ATXN2: variants seen among roughly 807,000 people sequenced by gnomAD.
ATXN2 encodes the protein ataxin 2.
Under a neutral mutation model 138.6 loss-of-function variants are expected in ATXN2, and 37 were observed. That is an observed-to-expected ratio of 0.27 (90% CI 0.21 to 0.35). The LOEUF (loss-of-function observed/expected upper bound fraction) is 0.35, where lower values mean the gene tolerates loss of function less well. Among genes scored for constraint, ATXN2 ranks in the 10% least tolerant of loss-of-function variants. The pLI, the probability that ATXN2 is intolerant of heterozygous loss-of-function variation, is 1.00. For synonymous variants in ATXN2, 549 were observed against 543.7 expected, an observed-to-expected ratio of 1.01 and a Z score of -0.13; for missense variants, 1,216 against 1,480.3, an observed-to-expected ratio of 0.82 and a Z score of 2.93.
chr12:111,560,052 A>T (rs1882597963), intron 1 of ATXN2, among the ~76,000 whole-genome samples: 1 of 151,960 alleles, frequency 6.6e-6, no homozygotes. Flanking sequence ...TGTGGATTGG[A>T]ACAAATTTCA....
chr12:111,522,717 A>G (rs1047760271), intron 6 of ATXN2, among the ~76,000 whole-genome samples: 1 of 151,910 alleles, frequency 6.6e-6, no homozygotes, highest in Non-Finnish European at 1.5e-5. Context: ...GTTCGGGACC[A>G]GCCTGGCCAA....
intron 14 of ATXN2, among the ~76,000 whole-genome samples, chr12:111,492,389 C>G (rs1025655405): frequency 1.3e-5 from 2 of 152,120 alleles, no homozygotes; most frequent in Admixed American, 1.3e-4. Flanking sequence ...AAAACCTTCT[C>G]AAGAAGAATG....
chr12:111,526,993 C>T (rs1880540270), intron 5 of ATXN2, among the ~76,000 whole-genome samples: 1 of 152,208 alleles, frequency 6.6e-6, no homozygotes, highest in Admixed American at 6.5e-5. Flanking sequence ...CCTATTAACA[C>T]ACTCTCACTT....
chr12:111,544,115 A>G (rs1881682031), intron 5 of ATXN2, among the ~76,000 whole-genome samples: 1 of 152,164 alleles, frequency 6.6e-6, no homozygotes, highest in African/African-American at 2.4e-5. Context: ...TAAAAGAATT[A>G]CATGTAAAAT....
chr12:111,599,299 G>A lies in ATXN2; in HGVS notation c.-265C>T. ...CGTTGCTACCAAAACAGTCTGAGGC[G>A]GAGGGAGGCGAGCTCTGCCGGGAGG... is the stretch of plus-strand genomic sequence containing the variant. On this transcript the variant is annotated 5_prime_UTR_variant, in exon 1 of 25. Transcript: ENST00000673436. 3 of 1,184,670 alleles carry A rather than the reference G, an allele frequency of 2.5e-6. No individual in the cohort carries two copies. Among genetic ancestry groups the A allele is most frequent in the South Asian group, 4.1e-5 (1 of 24,266 alleles). The allele number at this position is 1,184,670 out of a possible 1,614,324, so 73.4% of individuals were successfully genotyped here.
At position 111,456,239 on chromosome 12, in the gene ATXN2, G is replaced by A. The variant is rs1424424594; in HGVS notation, c.3060C>T (p.Ala1020=). The change falls in exon 23 of 25, where the codon GCC becomes GCT. Residue 1020 remains alanine (A), a synonymous_variant. Transcript: ENST00000673436. ...GACTGGCCAGATGGAGAGCCTGGGC[G>A]GCCTGGTGCTGATGGTGCTGCAAAG... ...PSPVQHHQHQ[A]AQALHLASPQ... The A allele has an allele frequency of 5.0e-6, 8 of 1,614,120 alleles. No individual in the cohort carries two copies. The highest frequency in any genetic ancestry group is 1.3e-5 in the African/African-American group (1 of 74,938).
chr12:111,462,912 G>A lies in ATXN2; in HGVS notation c.2896+1750C>T, dbSNP rs548473807. 6.6e-5 allele frequency among the ~76,000 whole-genome samples: 10 copies of A among 150,778 alleles called. No homozygotes were observed. The South Asian group carries it at 2.1e-3, about 31-fold the overall frequency. On this transcript the variant is annotated intron_variant, in intron 21 of 24. Coordinates refer to ENST00000673436, the MANE Select transcript of ATXN2 (RefSeq NM_001372574.1). Reference sequence around the variant, plus strand: ...TCCTTTTTAAAGAGCATCTATTAAAGGATTAAATTTAACATTTCCTAGCAC... The same window carrying A: ...TCCTTTTTAAAGAGCATCTATTAAAAGATTAAATTTAACATTTCCTAGCAC...
chr12:111,527,548 G>A (rs1229970157), intron 5 of ATXN2, among the ~76,000 whole-genome samples: 2 of 152,220 alleles, frequency 1.3e-5, no homozygotes, highest in African/African-American at 2.4e-5. Flanking sequence ...GGGTAGGTAT[G>A]AGTGTGTGTA....
At chr12:111,566,247 ACAT>A (rs1475830419) in intron 1 of ATXN2, among the ~76,000 whole-genome samples, 1 of 151,990 alleles carries the variant, frequency 6.6e-6, no homozygotes, top group Non-Finnish European at 1.5e-5. Context: ...AGCCTGACCA[ACAT>A]GGAGAAACCC....
intron 5 of ATXN2, among the ~76,000 whole-genome samples, chr12:111,543,546 G>A (rs1332744465): frequency 6.6e-6 from 1 of 152,044 alleles, no homozygotes; most frequent in Admixed American, 6.6e-5. Context: ...TGATTCTCCT[G>A]TCTCAGCCTC....
intron 14 of ATXN2, among the ~76,000 whole-genome samples, chr12:111,494,240 G>A (rs1461137223): frequency 6.6e-6 from 1 of 151,772 alleles, no homozygotes; most frequent in East Asian, 1.9e-4. Flanking sequence ...TATAACTACA[G>A]TTTTTTAAGA....
intron 1 of ATXN2, among the ~76,000 whole-genome samples, chr12:111,588,537 G>A (rs1355090064): frequency 2.6e-5 from 4 of 151,292 alleles, no homozygotes; most frequent in African/African-American, 4.9e-5. Context: ...CAGAAAAATC[G>A]CTTTAACCTG....
At chr12:111,459,425 G>A (rs879800677) in intron 21 of ATXN2, among the ~76,000 whole-genome samples, 3 of 152,092 alleles carry the variant, frequency 2.0e-5, no homozygotes, top group African/African-American at 4.8e-5. Flanking sequence ...AAAATCTTAC[G>A]TTCATTTTAA....
At chr12:111,535,995 G>A (rs9804704) in intron 5 of ATXN2, among the ~76,000 whole-genome samples, 12,626 of 140,070 alleles carry the variant, frequency 0.09, 2,024 homozygotes, top group African/African-American at 0.33. Context: ...GCGAGACTCC[G>A]TCTCAAAAAA....
chr12:111,548,008 C>T (rs1035722877), intron 5 of ATXN2, among the ~76,000 whole-genome samples: 3 of 151,882 alleles, frequency 2.0e-5, no homozygotes, highest in African/African-American at 7.3e-5. Flanking sequence ...GCCTGGCCAA[C>T]ATGGTAAAAC....
intron 14 of ATXN2, among the ~76,000 whole-genome samples, chr12:111,493,856 T>C (rs1335021186): frequency 6.6e-6 from 1 of 152,174 alleles, no homozygotes. Context: ...CTCGAACTCC[T>C]AACCTTGTGA....
chr12:111,462,982 A>G lies in ATXN2; in HGVS notation c.2896+1680T>C, dbSNP rs1027031778. Among the ~76,000 whole-genome samples the G allele has an allele frequency of 2.1e-5, 3 of 145,992 alleles. 1 individual carries two copies. The highest frequency in any genetic ancestry group is 1.5e-5 in the Non-Finnish European group (1 of 67,586). On this transcript the variant is annotated intron_variant, in intron 21 of 24. Transcript: ENST00000673436. Reference sequence around the variant, plus strand: ...CACATACATATATATATATATACACACACACACACACACACACACATATAT... The same window carrying G: ...CACATACATATATATATATATACACGCACACACACACACACACACATATAT...
intron 14 of ATXN2, among the ~76,000 whole-genome samples, chr12:111,504,148 A>G (rs1878960858): frequency 6.6e-6 from 1 of 152,236 alleles, no homozygotes; most frequent in Non-Finnish European, 1.5e-5. Context: ...TTTAAAATAC[A>G]GTAACTCTAA....
At chr12:111,473,337 A>G (rs1876553680) in intron 18 of ATXN2, among the ~76,000 whole-genome samples, 1 of 152,146 alleles carries the variant, frequency 6.6e-6, no homozygotes, top group Admixed American at 6.5e-5. Flanking sequence ...CCAACGACAA[A>G]AAAACCACCT....
Sources: gnomAD v4.1 joint callset for allele counts (sites outside exome capture counted in the v4.1 genomes callset) on GRCh38, gnomAD v4.1.1 for gene constraint, MANE v1.5 for transcripts, NCBI Gene and HGNC (gene_info 2026-07-23, HGNC 2026-07-21) for gene names.